Variants in IGSF3 observed in about 807,000 individuals in gnomAD.
IGSF3 encodes glu-Trp-Ile EWI motif-containing protein 3.
A neutral mutation model predicts 114.4 loss-of-function variants in IGSF3; 23 were observed. The observed-to-expected ratio is 0.20, with a 90% CI of 0.14 to 0.28. IGSF3 has a LOEUF of 0.28. Among genes scored for constraint, IGSF3 ranks in the 10% least tolerant of loss-of-function variants. The pLI is 1.00. For missense variants in IGSF3, 1,172 were observed against 1,591.5 expected, an observed-to-expected ratio of 0.74 and a Z score of 4.48; for synonymous variants, 571 against 645.2, an observed-to-expected ratio of 0.88 and a Z score of 1.74.
Position 116,587,187 on chromosome 1 carries a change from T to C in IGSF3, c.2440+1507A>G, listed in dbSNP as rs180869799. 4.0e-3 allele frequency among the ~76,000 whole-genome samples: 605 copies of C among 152,252 alleles called. 4 individuals carry two copies. Among genetic ancestry groups the C allele is most frequent in the African/African-American group, 0.014 (584 of 41,530 alleles). ...CTTACTCAGGAGGCTTCAATTCTAGTAGAAGAGATAGAAAACAAATGTGTG... is the reference window on the plus strand; with the variant it reads ...CTTACTCAGGAGGCTTCAATTCTAGCAGAAGAGATAGAAAACAAATGTGTG... On this transcript the variant is annotated intron_variant, in intron 8 of 10. Coordinates refer to ENST00000369486, the MANE Select transcript of IGSF3 (RefSeq NM_001007237.3).
chr1:116,583,999 G>A lies in IGSF3; in HGVS notation c.2848+646C>T, dbSNP rs1659708145. 6.6e-6 allele frequency among the ~76,000 whole-genome samples: 1 copy of A among 152,108 alleles called. No homozygotes were observed. Among genetic ancestry groups the A allele is most frequent in the African/African-American group, 2.4e-5 (1 of 41,416 alleles). ...AGGTCAGGAGATCGAGACCAGCTTG[G>A]CCAACATGATGAAACCCCGTCTCTA... is the stretch of plus-strand genomic sequence containing the variant. On this transcript the variant is annotated intron_variant, in intron 9 of 10. Coordinates refer to ENST00000369486, the MANE Select transcript of IGSF3 (RefSeq NM_001007237.3). This position sits in a 1 kb window ranked among gnomAD's most constrained non-coding sequence, Gnocchi z 4.5.
In IGSF3 at chr1:116,644,048, A is replaced by G. The variant is rs958659853; in HGVS notation, c.43+22236T>C. ...AGTGCTCAGCCCTCTCACTGTGACA[A>G]TCCCTTAGAAAGGGGTCCCACGCTG... On this transcript the variant is annotated intron_variant, in intron 2 of 10. Transcript: ENST00000369486. This position sits in a 1 kb window ranked among gnomAD's most constrained non-coding sequence, Gnocchi z 5.6. 1.3e-5 allele frequency among the ~76,000 whole-genome samples: 2 copies of G among 152,180 alleles called. No individual in the cohort carries two copies. Among genetic ancestry groups the G allele is most frequent in the African/African-American group, 2.4e-5 (1 of 41,440 alleles).
intron 5 of IGSF3, chr1:116,606,598 G>C: frequency 5.2e-6 from 4 of 765,128 alleles, no homozygotes; most frequent in South Asian, 2.8e-5. Context: ...CAAGTTCTCA[G>C]AAGGGGTTGG....
In IGSF3 at chr1:116,633,589, A is replaced by C. The variant is rs1469274085; in HGVS notation, c.44-17132T>G. ...TAAGTGAGAGAACAAAAAATTTCAC[A>C]ATCATGGGGACCTCTTCTTTCAGCT... On this transcript the variant is annotated intron_variant, in intron 2 of 10. Coordinates refer to ENST00000369486, the MANE Select transcript of IGSF3 (RefSeq NM_001007237.3). The surrounding 1 kb of genome is among the most constrained non-coding windows in gnomAD (Gnocchi z 4.3). Among the ~76,000 whole-genome samples the C allele has an allele frequency of 6.6e-6, 1 of 152,120 alleles. No homozygotes were observed. The highest frequency in any genetic ancestry group is 1.5e-5 in the Non-Finnish European group (1 of 68,006).
intron 8 of IGSF3, among the ~76,000 whole-genome samples, chr1:116,586,010 G>A (rs920122654): frequency 3.3e-5 from 5 of 152,172 alleles, no homozygotes; most frequent in African/African-American, 7.2e-5. Context: ...AGCATGCCCC[G>A]ATGGCATGCT....
At chr1:116,580,210 GTTTAT>G (rs1659542664) in intron 9 of IGSF3, among the ~76,000 whole-genome samples, 1 of 152,210 alleles carries the variant, frequency 6.6e-6, no homozygotes, top group African/African-American at 2.4e-5. Context: ...GGGAAGAGGT[GTTTAT>G]TTTCACTGTA....
intron 2 of IGSF3, among the ~76,000 whole-genome samples, chr1:116,663,192 T>C (rs699788): frequency 0.014 from 2,148 of 152,330 alleles, 59 homozygotes; most frequent in African/African-American, 0.049. Context: ...ATGTGCTGTA[T>C]GTGTCTAAAG....
At position 116,616,466 on chromosome 1, in the gene IGSF3, G is replaced by C; in HGVS notation, c.44-9C>G. 1 of 1,581,708 alleles carries C rather than the reference G, an allele frequency of 6.3e-7. No individual in the cohort carries two copies. Among genetic ancestry groups the C allele is most frequent in the Non-Finnish European group, 8.6e-7 (1 of 1,158,632 alleles). On this transcript the variant is annotated splice_polypyrimidine_tract_variant and intron_variant, in intron 2 of 10. Coordinates refer to ENST00000369486, the MANE Select transcript of IGSF3 (RefSeq NM_001007237.3). This position sits in a 1 kb window ranked among gnomAD's most constrained non-coding sequence, Gnocchi z 6.6. ...CTGTGCTGACACCACACCTACGAGG[G>C]AGAGAAACACACACAACATGCTTAC...
rs1648807475 is a variant in IGSF3 at position 116,655,472 on chromosome 1, C to T, written c.43+10812G>A. ...CAGAGGTTTTAAAGAAAGTCATTCC[C>T]GTGAACGTTGAGAAGTAACCCAACG... On this transcript the variant is annotated intron_variant, in intron 2 of 10. Coordinates refer to ENST00000369486, the MANE Select transcript of IGSF3 (RefSeq NM_001007237.3). This position sits in a 1 kb window ranked among gnomAD's most constrained non-coding sequence, Gnocchi z 4.3. 6.6e-6 allele frequency among the ~76,000 whole-genome samples: 1 copy of T among 152,184 alleles called. No individual in the cohort carries two copies. The highest frequency in any genetic ancestry group is 6.5e-5 in the Admixed American group (1 of 15,280).
chr1:116,626,555 C>T (rs1184197347), intron 2 of IGSF3, among the ~76,000 whole-genome samples: 1 of 152,086 alleles, frequency 6.6e-6, no homozygotes, highest in Non-Finnish European at 1.5e-5. Flanking sequence ...CTTTCCCCAC[C>T]TGAATTTGTA....
Position 116,579,706 on chromosome 1 carries a change from T to C in IGSF3, c.3020A>G (p.Glu1007Gly). ...CTCCTCCCTTTCCTCTTCCTGTTCT[T>C]CCAGGCCAGGGCTGCTCCTTTTCCC... ...AGGKRSSPGL[E>G]EQEEEREEEE... The change falls in exon 10 of 11, where the codon GAA (glutamate) becomes GGA (glycine). Residue 1007 changes from glutamate to glycine, a missense_variant. Physicochemically the swap from Glu to Gly is moderately conservative, Grantham distance 98 (BLOSUM62 -2). Coordinates refer to ENST00000369486, the MANE Select transcript of IGSF3 (RefSeq NM_001007237.3). The surrounding 1 kb of genome is among the most constrained non-coding windows in gnomAD (Gnocchi z 6.4). 6.2e-7 allele frequency: 1 copy of C among 1,614,050 alleles called. No individual in the cohort carries two copies. The highest frequency in any genetic ancestry group is 8.5e-7 in the Non-Finnish European group (1 of 1,179,998).
chr1:116,652,587 T>G (rs1043310954), intron 2 of IGSF3, among the ~76,000 whole-genome samples: 1 of 152,118 alleles, frequency 6.6e-6, no homozygotes, highest in African/African-American at 2.4e-5. Flanking sequence ...AGGAGGTAGG[T>G]AGAAATAGAA....
At position 116,666,561 on chromosome 1, in the gene IGSF3, C is replaced by G; in HGVS notation, c.-235G>C. The stretch of plus-strand genomic sequence containing the variant: ...GCTACAGGAAGGGTCCACAACAATT[C>G]GGAAGTCGCTCCCGGCTCCTGCCAC... On this transcript the variant is annotated 5_prime_UTR_variant, in exon 2 of 11. Transcript: ENST00000369486. The G allele has an allele frequency of 1.7e-6, 1 of 600,864 alleles. No homozygotes were observed. Among genetic ancestry groups the G allele is most frequent in the South Asian group, 2.0e-5 (1 of 49,426 alleles). The allele number at this position is 600,864 out of a possible 1,614,324, so 37.2% of individuals were successfully genotyped here.
intron 5 of IGSF3, among the ~76,000 whole-genome samples, chr1:116,606,949 A>C (rs1660813876): frequency 2.0e-5 from 3 of 152,252 alleles, no homozygotes; most frequent in Non-Finnish European, 4.4e-5. Flanking sequence ...AGTTGATGAG[A>C]AAAGAAGAAA....
At position 116,666,587 on chromosome 1, in the gene IGSF3, A is replaced by G. The variant is rs576192784; in HGVS notation, c.-261T>C. Reference sequence around the variant, plus strand: ...GGAAGTCGCTCCCGGCTCCTGCCACATCGTGTGCCTTGCAGTTTCCACTGA... The same window carrying G: ...GGAAGTCGCTCCCGGCTCCTGCCACGTCGTGTGCCTTGCAGTTTCCACTGA... On this transcript the variant is annotated 5_prime_UTR_variant, in exon 2 of 11. It removes an upstream start codon present in the reference 5' UTR. Coordinates refer to ENST00000369486, the MANE Select transcript of IGSF3 (RefSeq NM_001007237.3). The G allele has an allele frequency of 1.7e-6, 1 of 599,020 alleles. No homozygotes were observed. The allele number at this position is 599,020 out of a possible 1,614,324, so 37.1% of individuals were successfully genotyped here. A position where few individuals can be genotyped will look rare whatever the true frequency, so the allele number is the denominator to read the frequency against.
chr1:116,663,003 A>G (rs1229492934), intron 2 of IGSF3, among the ~76,000 whole-genome samples: 2 of 152,218 alleles, frequency 1.3e-5, no homozygotes, highest in East Asian at 3.8e-4. Context: ...CAAACTCTAC[A>G]AATGAACTTC....
intron 9 of IGSF3, among the ~76,000 whole-genome samples, chr1:116,581,614 G>A (rs574502568): frequency 1.1e-4 from 16 of 152,236 alleles, no homozygotes; most frequent in Middle Eastern, 6.8e-3. Flanking sequence ...TTGCTCTTGT[G>A]GGGGCTCTGC....
In IGSF3 at chr1:116,648,038, A is replaced by C. The variant is rs1318401727; in HGVS notation, c.43+18246T>G. ...AGAATCGCTTGAACCTGGGAGGCAG[A>C]GGTTGCGATAAGCTGAGATTGGGCC... On this transcript the variant is annotated intron_variant, in intron 2 of 10. Coordinates refer to ENST00000369486, the MANE Select transcript of IGSF3 (RefSeq NM_001007237.3). The surrounding 1 kb of genome is among the most constrained non-coding windows in gnomAD (Gnocchi z 4.7). Among the ~76,000 whole-genome samples the C allele has an allele frequency of 6.6e-6, 1 of 152,192 alleles. No individual in the cohort carries two copies. Among genetic ancestry groups the C allele is most frequent in the African/African-American group, 2.4e-5 (1 of 41,434 alleles).
In IGSF3 at chr1:116,583,927, C is replaced by T. The variant is rs1659701255; in HGVS notation, c.2848+718G>A. On this transcript the variant is annotated intron_variant, in intron 9 of 10. Coordinates refer to ENST00000369486, the MANE Select transcript of IGSF3 (RefSeq NM_001007237.3). This position sits in a 1 kb window ranked among gnomAD's most constrained non-coding sequence, Gnocchi z 4.5. ...TGGGACCAGGCACAGTAGCTCACAC[C>T]TGTAATCCCACCACTTTGAAAAGCC... is the stretch of plus-strand genomic sequence containing the variant. Among the ~76,000 whole-genome samples the T allele has an allele frequency of 1.3e-5, 2 of 152,184 alleles. No homozygotes were observed. Among genetic ancestry groups the T allele is most frequent in the Admixed American group, 1.3e-4 (2 of 15,280 alleles).
Sources: allele counts gnomAD v4.1 joint callset (sites outside exome capture counted in the v4.1 genomes callset), GRCh38; gene constraint gnomAD v4.1.1; non-coding constraint Gnocchi (gnomAD v3.1); transcripts MANE v1.5; gene names NCBI Gene and HGNC (gene_info 2026-07-23, HGNC 2026-07-21).